The following CCL16 variants were observed in gnomAD, a reference collection of about 807,000 sequenced individuals.
CCL16 encodes C-C motif chemokine ligand 16.
In CCL16, 6 loss-of-function variants were observed where a neutral mutation model predicts 7.5. The observed-to-expected ratio is 0.80, with a 90% CI of 0.44 to 1.57. CCL16 has a LOEUF of 1.57. Ranked by LOEUF, CCL16 falls within the 40% of genes most tolerant of loss-of-function variation. CCL16 has a pLI of 0.01. For synonymous variants in CCL16, 60 were observed against 57.7 expected (o/e 1.04, Z -0.18); for missense variants, 134 against 142.9 (o/e 0.94, Z 0.32).
intron 1 of CCL16, among the ~76,000 whole-genome samples, chr17:35,979,610 C>T (rs995100086): frequency 2.0e-5 from 3 of 152,032 alleles, no homozygotes; most frequent in Non-Finnish European, 4.4e-5. Flanking sequence ...GGTTAGAATT[C>T]GGTGAGAAAA....
At chr17:35,980,177 T>C (rs894764508) in intron 1 of CCL16, among the ~76,000 whole-genome samples, 1 of 152,170 alleles carries the variant, frequency 6.6e-6, no homozygotes, top group Non-Finnish European at 1.5e-5. Flanking sequence ...CCCTTGCTCC[T>C]TTGTGTTTAC....
chr17:35,978,170 GCCTTTCTGTATCC>G lies in CCL16; in HGVS notation c.157_169del (p.Gly53ProfsTer80). ...GATTGCTGGCAGGTGACAGTTGAGGGCCTTTCTGTATCCCACCACTAGTCTCCTTGGCAACACT... is the reference window on the plus strand; with the variant it reads ...GATTGCTGGCAGGTGACAGTTGAGGGCACCACTAGTCTCCTTGGCAACACT... On this transcript the variant is annotated frameshift_variant, in exon 2 of 3. Transcript: ENST00000611905. LOFTEE classifies it low-confidence loss of function (END_TRUNC). The G allele has an allele frequency of 6.2e-7, 1 of 1,614,166 alleles. No individual in the cohort carries two copies. The highest frequency in any genetic ancestry group is 2.2e-5 in the East Asian group (1 of 44,884).
rs1033755299 is a variant in CCL16 at position 35,977,544 on chromosome 17, G to A, written c.*22C>T. ...TTTACCCCTCTCTTCTGTAAACAAG[G>A]GCTTCCACTAAAGCCTGGTCATCAC... On this transcript the variant is annotated 3_prime_UTR_variant, in exon 3 of 3. Transcript: ENST00000611905. The A allele has an allele frequency of 7.5e-6, 12 of 1,609,918 alleles. No individual in the cohort carries two copies. Among genetic ancestry groups the A allele is most frequent in the African/African-American group, 1.3e-5 (1 of 74,754 alleles).
chr17:35,981,341 T>C lies in CCL16; in HGVS notation c.76+4A>G, dbSNP rs1449844133. The C allele has an allele frequency of 2.5e-6, 4 of 1,603,822 alleles. No homozygotes were observed. Among genetic ancestry groups the C allele is most frequent in the Non-Finnish European group, 3.4e-6 (4 of 1,172,104 alleles). On this transcript the variant is annotated splice_donor_region_variant and intron_variant, in intron 1 of 2. Transcript: ENST00000611905. The stretch of plus-strand genomic sequence containing the variant: ...TCCTGCCCTACAGAGACAAGTGGAC[T>C]CACTTGGCTGGCTGCGAGAAGCCGA...
rs1174345222 is a variant in CCL16 at position 35,977,092 on chromosome 17, T to G, written c.*474A>C. The G allele has an allele frequency of 1.3e-5, 2 of 152,648 alleles. No individual in the cohort carries two copies. The highest frequency in any genetic ancestry group is 1.3e-4 in the Admixed American group (2 of 15,286). The allele number at this position is 152,648 out of a possible 1,614,324, so 9.5% of individuals were successfully genotyped here. A position where few individuals can be genotyped will look rare whatever the true frequency, so the allele number is the denominator to read the frequency against. On this transcript the variant is annotated 3_prime_UTR_variant, in exon 3 of 3. Transcript: ENST00000611905. ...AGCACTTTTGGAAGGCTGAGGCAGG[T>G]GGATTGCTTGGGCACACGAGTTTGA... is the stretch of plus-strand genomic sequence containing the variant.
chr17:35,978,385 C>T, intron 1 of CCL16, 122 bp from the exon 2 acceptor site: 1 of 1,282,184 alleles, frequency 7.8e-7, no homozygotes, highest in South Asian at 1.3e-5. Flanking sequence ...TAGAGGAGAC[C>T]AATGATAGCT....
chr17:35,980,869 C>T (rs1655459422), intron 1 of CCL16, among the ~76,000 whole-genome samples: 5 of 152,188 alleles, frequency 3.3e-5, no homozygotes, highest in Admixed American at 3.3e-4. Context: ...TCCCAGCAAC[C>T]TGTGCCAGCC....
Position 35,981,218 on chromosome 17 carries a change from A to C in CCL16, c.76+127T>G, listed in dbSNP as rs963009765. On this transcript the variant is annotated intron_variant, in intron 1 of 2. Transcript: ENST00000611905. ...GAGAATTGGAGGTCAGAAGCTATGC[A>C]TGAAGGTGGGGAGAGCCCACAGGGT... The C allele has an allele frequency of 2.2e-5, 14 of 623,188 alleles. No homozygotes were observed. In the African/African-American group the frequency reaches 2.6e-4, roughly 11 times the overall value. The allele number at this position is 623,188 out of a possible 1,614,324, so 38.6% of individuals were successfully genotyped here. A position where few individuals can be genotyped will look rare whatever the true frequency, so the allele number is the denominator to read the frequency against.
rs140218356 is a variant in CCL16 at position 35,980,880 on chromosome 17, A to G, written c.76+465T>C. On this transcript the variant is annotated intron_variant, in intron 1 of 2. Coordinates refer to ENST00000611905, the MANE Select transcript of CCL16 (RefSeq NM_004590.4). Reference sequence around the variant, plus strand: ...ATAGTCCCAGCAACCTGTGCCAGCCATGTTGAGGAAGGGCTCTCTCGGTTC... The same window carrying G: ...ATAGTCCCAGCAACCTGTGCCAGCCGTGTTGAGGAAGGGCTCTCTCGGTTC... Among the ~76,000 whole-genome samples the G allele has an allele frequency of 7.4e-3, 1,129 of 152,258 alleles. 7 individuals are homozygous for G. Among genetic ancestry groups the G allele is most frequent in the Middle Eastern group, 0.014 (4 of 294 alleles).
chr17:35,978,149 G>T lies in CCL16; in HGVS notation c.191C>A (p.Ala64Glu). The change falls in exon 2 of 3, where the codon GCA becomes GAA. Residue 64 changes from alanine (A) to glutamate (E), a missense_variant. Ala to Glu is a moderately radical substitution (Grantham distance 107). Transcript: ENST00000611905. ...YRKALNCHLP[A>E]IIFVTKRNRE... ...TCTAAAAGGACGTGCTTACATGATT[G>T]CTGGCAGGTGACAGTTGAGGGCCTT... is the stretch of plus-strand genomic sequence containing the variant. The T allele has an allele frequency of 6.2e-7, 1 of 1,614,172 alleles. No homozygotes were observed.
At chr17:35,978,355 C>T in intron 1 of CCL16, 92 bp from the exon 2 acceptor site, 4 of 1,565,892 alleles carry the variant, frequency 2.6e-6, no homozygotes, top group South Asian at 2.3e-5. Flanking sequence ...TTTCACTCCT[C>T]TGATAGCAAA....
rs1420075369 is a variant in CCL16 at position 35,976,874 on chromosome 17, T to C, written c.*692A>G. 3 of 152,194 alleles carry C rather than the reference T, an allele frequency of 2.0e-5. No homozygotes were observed. Among genetic ancestry groups the C allele is most frequent in the Non-Finnish European group, 4.4e-5 (3 of 68,044 alleles). 9.4% of individuals were successfully genotyped at this position (152,194 alleles called of 1,614,324 possible). A position where few individuals can be genotyped will look rare whatever the true frequency, so the allele number is the denominator to read the frequency against. Reference sequence around the variant, plus strand: ...TGGACAGGAAAAATCAAGAGTTCTATGGGGCTCTTAATGGGTCAAGACCCA... The same window carrying C: ...TGGACAGGAAAAATCAAGAGTTCTACGGGGCTCTTAATGGGTCAAGACCCA... On this transcript the variant is annotated 3_prime_UTR_variant, in exon 3 of 3. Transcript: ENST00000611905.
chr17:35,977,492 TA>T lies in CCL16; in HGVS notation c.*73del. 7.3e-7 allele frequency: 1 copy of T among 1,361,382 alleles called. No individual in the cohort carries two copies. The highest frequency in any genetic ancestry group is 1.0e-6 in the Non-Finnish European group (1 of 976,942). The allele number at this position is 1,361,382 out of a possible 1,614,324, so 84.3% of individuals were successfully genotyped here. A position where few individuals can be genotyped will look rare whatever the true frequency, so the allele number is the denominator to read the frequency against. ...TCAATGTGACTGGCTAGTTTCAGCC[TA>T]ATAAGGCTTCCCCTGTTTTCATAGG... On this transcript the variant is annotated 3_prime_UTR_variant, in exon 3 of 3. Transcript: ENST00000611905.
At chr17:35,979,130 GAA>G (rs34982123) in intron 1 of CCL16, among the ~76,000 whole-genome samples, 1 of 132,490 alleles carries the variant, frequency 7.5e-6, no homozygotes, top group South Asian at 2.5e-4. Flanking sequence ...CATCTCAAAA[GAA>G]AAAAAAAAAA....
intron 1 of CCL16, among the ~76,000 whole-genome samples, chr17:35,978,475 A>G (rs1405230817): frequency 6.6e-6 from 1 of 152,238 alleles, no homozygotes; most frequent in Non-Finnish European, 1.5e-5. Flanking sequence ...CTGAGTGTCA[A>G]CTACAAATGA....
At chr17:35,979,868 C>T (rs1309700359) in intron 1 of CCL16, among the ~76,000 whole-genome samples, 3 of 152,146 alleles carry the variant, frequency 2.0e-5, no homozygotes, top group Non-Finnish European at 4.4e-5. Context: ...CTCTCCCAGC[C>T]CCCAAACCTT....
chr17:35,978,605 A>G (rs994183411), intron 1 of CCL16, among the ~76,000 whole-genome samples: 4 of 152,232 alleles, frequency 2.6e-5, no homozygotes, highest in African/African-American at 9.6e-5. Flanking sequence ...CTATGGGGGT[A>G]AAAACATGAG....
At chr17:35,979,464 A>G (rs2089664852) in intron 1 of CCL16, among the ~76,000 whole-genome samples, 2 of 152,204 alleles carry the variant, frequency 1.3e-5, no homozygotes, top group South Asian at 4.1e-4. Context: ...CTTTGGGGTC[A>G]GACAGCTTGG....
intron 1 of CCL16, among the ~76,000 whole-genome samples, chr17:35,979,278 T>C (rs1383466926): frequency 6.6e-6 from 1 of 151,806 alleles, no homozygotes; most frequent in Non-Finnish European, 1.5e-5. Context: ...AAGAAATGAA[T>C]GGGCAGAGAT....
Sources: gnomAD v4.1 joint callset for allele counts (sites outside exome capture counted in the v4.1 genomes callset) on GRCh38, gnomAD v4.1.1 for gene constraint, MANE v1.5 for transcripts, NCBI Gene and HGNC (gene_info 2026-07-23, HGNC 2026-07-21) for gene names.